Variants in RNF24 observed in about 807,000 individuals in gnomAD.
RNF24 encodes the protein ring finger protein 24.
Under a neutral mutation model 20.0 loss-of-function variants are expected in RNF24, and 14 were observed. That is an observed-to-expected ratio of 0.70 (90% CI 0.46 to 1.10). RNF24 has a LOEUF of 1.10. Among genes scored for constraint, RNF24 ranks in the 50% least tolerant of loss-of-function variants. The pLI, the probability that RNF24 is intolerant of heterozygous loss-of-function variation, is 0.00. For missense variants in RNF24, 124 were observed against 177.6 expected, an observed-to-expected ratio of 0.70 and a Z score of 1.71; for synonymous variants, 45 against 61.1, an observed-to-expected ratio of 0.74 and a Z score of 1.23.
chr20:4,013,434 G>A (rs1982623091), intron 1 of RNF24, among the ~76,000 whole-genome samples: 1 of 151,998 alleles, frequency 6.6e-6, no homozygotes, highest in Non-Finnish European at 1.5e-5. Flanking sequence ...CAATATAAGC[G>A]CCTCTTAATT....
intron 1 of RNF24, among the ~76,000 whole-genome samples, chr20:3,966,115 C>T (rs375592811): frequency 2.7e-4 from 29 of 108,594 alleles, no homozygotes; most frequent in Middle Eastern, 0.011. Context: ...ACCTGGGTGA[C>T]AGAGCGAGAT....
intron 1 of RNF24, among the ~76,000 whole-genome samples, chr20:3,968,333 G>C (rs1202305503): frequency 6.6e-6 from 1 of 152,118 alleles, no homozygotes; most frequent in Non-Finnish European, 1.5e-5. Flanking sequence ...AAGGGGCTGG[G>C]TGCAGTGGTA....
At position 3,933,920 on chromosome 20, in the gene RNF24, TTGGC is replaced by T; in HGVS notation, c.*139_*142del. Reference sequence around the variant, plus strand: ...AGACCCAGACACCTAGGTTCCCAGTTTGGCTGGCCCAAGAGTTCTTCATGAGGCA... The same window carrying T: ...AGACCCAGACACCTAGGTTCCCAGTTTGGCCCAAGAGTTCTTCATGAGGCA... On this transcript the variant is annotated 3_prime_UTR_variant, in exon 6 of 6. Coordinates refer to ENST00000358395, the MANE Select transcript of RNF24 (RefSeq NM_001134337.3). 6.5e-6 allele frequency: 5 copies of T among 764,706 alleles called. No individual in the cohort carries two copies. Among genetic ancestry groups the T allele is most frequent in the Non-Finnish European group, 9.5e-6 (5 of 528,488 alleles). The allele number at this position is 764,706 out of a possible 1,614,324, so 47.4% of individuals were successfully genotyped here.
At chr20:3,952,210 A>G (rs914817818) in intron 2 of RNF24, among the ~76,000 whole-genome samples, 6 of 152,058 alleles carry the variant, frequency 3.9e-5, no homozygotes, top group Non-Finnish European at 8.8e-5. Flanking sequence ...TCACAGACCA[A>G]CTGAGGAAGA....
chr20:3,981,833 A>C (rs976828259), intron 1 of RNF24, among the ~76,000 whole-genome samples: 6 of 152,116 alleles, frequency 3.9e-5, no homozygotes, highest in African/African-American at 1.4e-4. Flanking sequence ...AAAATATTCT[A>C]TTGGGCCGGG....
At chr20:3,987,154 C>CCTG (rs1282728943) in intron 1 of RNF24, among the ~76,000 whole-genome samples, 46 of 152,160 alleles carry the variant, frequency 3.0e-4, no homozygotes, top group African/African-American at 1.1e-3. Flanking sequence ...TAATTGATGG[C>CCTG]AGCACTCTTA....
In RNF24 at chr20:3,933,352, G is replaced by C. The variant is rs1182387488; in HGVS notation, c.*711C>G. ...ATCACTCAGGGACAGTGTGGACTCA[G>C]GGCCCACTCCCTGCTGGGGCTCTGG... On this transcript the variant is annotated 3_prime_UTR_variant, in exon 6 of 6. Coordinates refer to ENST00000358395, the MANE Select transcript of RNF24 (RefSeq NM_001134337.3). The C allele has an allele frequency of 2.5e-6, 1 of 397,170 alleles. No homozygotes were observed. The highest frequency in any genetic ancestry group is 4.4e-5 in the Admixed American group (1 of 22,704). 24.6% of individuals were successfully genotyped at this position (397,170 alleles called of 1,614,324 possible). A position where few individuals can be genotyped will look rare whatever the true frequency, so the allele number is the denominator to read the frequency against.
At chr20:3,944,304 C>CT (rs2090992531) in intron 4 of RNF24, among the ~76,000 whole-genome samples, 1 of 151,586 alleles carries the variant, frequency 6.6e-6, no homozygotes, top group African/African-American at 2.4e-5. Context: ...CATATCAATT[C>CT]TTTGATGAAA....
chr20:3,978,902 T>A (rs1979133712), intron 1 of RNF24, among the ~76,000 whole-genome samples: 2 of 151,796 alleles, frequency 1.3e-5, no homozygotes, highest in Admixed American at 1.3e-4. Context: ...GGTCAGGAGT[T>A]CAAGATCAGT....
intron 1 of RNF24, among the ~76,000 whole-genome samples, chr20:4,012,690 T>C (rs1982556248): frequency 6.6e-6 from 1 of 152,204 alleles, no homozygotes; most frequent in Non-Finnish European, 1.5e-5. Flanking sequence ...ATCATCATAC[T>C]ACAGAATGCT....
At chr20:4,009,743 G>C (rs1163545520) in intron 1 of RNF24, among the ~76,000 whole-genome samples, 1 of 152,044 alleles carries the variant, frequency 6.6e-6, no homozygotes, top group Non-Finnish European at 1.5e-5. Context: ...CGGATTTTTG[G>C]TCATGAATCT....
At chr20:3,994,819 C>T (rs78215142) in intron 1 of RNF24, among the ~76,000 whole-genome samples, 1 of 152,252 alleles carries the variant, frequency 6.6e-6, no homozygotes, top group Non-Finnish European at 1.5e-5. Flanking sequence ...AGAATTCCTA[C>T]AGGAGTTTAG....
chr20:3,978,291 C>T (rs1245955608), intron 1 of RNF24, among the ~76,000 whole-genome samples: 1 of 151,896 alleles, frequency 6.6e-6, no homozygotes, highest in African/African-American at 2.4e-5. Flanking sequence ...CCACCTTGGC[C>T]TCCCAAAGTG....
rs1299599567 is a variant in RNF24, at chr20:3,928,381, A to C, written c.*5682T>G. 1 of 152,268 alleles carries C rather than the reference A, an allele frequency of 6.6e-6. No individual in the cohort carries two copies. The highest frequency in any genetic ancestry group is 1.9e-4 in the East Asian group (1 of 5,196). The allele number at this position is 152,268 out of a possible 1,614,324, so 9.4% of individuals were successfully genotyped here. A position where few individuals can be genotyped will look rare whatever the true frequency, so the allele number is the denominator to read the frequency against. ...CTGGGCAGCTGCTGGGAAGCGAGGC[A>C]CAAGTCTGTGCCCCTACTCCCAGGG... On this transcript the variant is annotated 3_prime_UTR_variant, in exon 6 of 6. Transcript: ENST00000358395.
Position 3,945,200 on chromosome 20 carries a change from C to G in RNF24, c.205G>C (p.Val69Leu). 2 of 1,597,366 alleles carry G rather than the reference C, an allele frequency of 1.3e-6. No individual in the cohort carries two copies. Among genetic ancestry groups the G allele is most frequent in the Non-Finnish European group, 1.7e-6 (2 of 1,171,764 alleles). The change falls in exon 4 of 6, where the codon GTA becomes CTA. Residue 69 changes from valine (V) to leucine (L), a missense_variant. By Grantham distance (32) the Val-to-Leu change is conservative (BLOSUM62 1). Coordinates refer to ENST00000358395, the MANE Select transcript of RNF24 (RefSeq NM_001134337.3). ...AYKQVILKEK[V>L]KELNLHELCA... ...ACCTCATGTAAATTCAATTCTTTTA[C>G]TTTCTCTTTTAATATAACCTGTAAG... is the stretch of plus-strand genomic sequence containing the variant.
At chr20:3,998,512 T>C (rs1981087593) in intron 1 of RNF24, among the ~76,000 whole-genome samples, 1 of 131,372 alleles carries the variant, frequency 7.6e-6, no homozygotes. Flanking sequence ...GAGGTGGAGG[T>C]TGCAGTGAGC....
intron 1 of RNF24, among the ~76,000 whole-genome samples, chr20:3,977,725 T>C (rs1477419666): frequency 2.0e-5 from 3 of 151,278 alleles, no homozygotes; most frequent in Non-Finnish European, 2.9e-5. Context: ...ATTAGCCGGA[T>C]GTGGTGGTGG....
chr20:3,950,491 T>A (rs756739570), intron 2 of RNF24, among the ~76,000 whole-genome samples: 1 of 152,236 alleles, frequency 6.6e-6, no homozygotes, highest in African/African-American at 2.4e-5. Context: ...GAAGCATGGC[T>A]CTGCCAGCAC....
At chr20:3,954,366 A>G (rs898010098) in intron 2 of RNF24, among the ~76,000 whole-genome samples, 1 of 152,110 alleles carries the variant, frequency 6.6e-6, no homozygotes, top group African/African-American at 2.4e-5. Flanking sequence ...ATGGCTTTCC[A>G]CCTAGCATGT....
Sources: allele counts gnomAD v4.1 joint callset (sites outside exome capture counted in the v4.1 genomes callset), GRCh38; gene constraint gnomAD v4.1.1; transcripts MANE v1.5; gene names NCBI Gene and HGNC (gene_info 2026-07-23, HGNC 2026-07-21).